The following PACRGL variants were observed in gnomAD, a reference collection of about 807,000 sequenced individuals.
The protein encoded by PACRGL is PACRG-like protein.
A neutral mutation model predicts 34.5 loss-of-function variants in PACRGL; 38 were observed. The observed-to-expected ratio is 1.10, with a 90% CI of 0.85 to 1.44. PACRGL has a LOEUF of 1.44. Ranked by LOEUF, PACRGL falls within the 40% of genes most tolerant of loss-of-function variation. PACRGL has a pLI of 0.00. For missense variants in PACRGL, 305 were observed against 281.4 expected, an observed-to-expected ratio of 1.08 and a Z score of -0.60; for synonymous variants, 128 against 100.1, an observed-to-expected ratio of 1.28 and a Z score of -1.66.
At chr4:20,754,084 T>G (rs1301311306), downstream of PACRGL, among the ~76,000 whole-genome samples, 1 of 152,168 alleles carries the variant, frequency 6.6e-6, no homozygotes, top group Non-Finnish European at 1.5e-5. Context: ...CTGTTGTATG[T>G]GGAGTTTAAG....
At position 20,748,560 on chromosome 4, in the gene PACRGL, TTATATATATATATATATATATATATA is replaced by T. The variant is rs3075750; in HGVS notation, c.*57-3985_*57-3960del. On this transcript the variant is annotated intron_variant, in intron 8 of 8. Coordinates refer to the PACRGL transcript ENST00000507634. Reference sequence around the variant, plus strand: ...CAAAAATAAATGCACCTTCCAAATTTTATATATATATATATATATATATATATATATATATATATATATATTCCATA... The same window carrying T: ...CAAAAATAAATGCACCTTCCAAATTTTATATATATATATATATATTCCATA... Among the ~76,000 whole-genome samples the T allele has an allele frequency of 9.2e-5, 6 of 64,908 alleles. 1 individual carries two copies. The South Asian group carries it at 2.8e-3, about 30-fold the overall frequency. 42.6% of individuals were successfully genotyped at this position (64,908 alleles called of 152,430 possible). A position where few individuals can be genotyped will look rare whatever the true frequency, so the allele number is the denominator to read the frequency against.
intron 7 of PACRGL, chr4:20,716,333 G>GTTT: frequency 2.5e-5 from 13 of 510,676 alleles, no homozygotes; most frequent in South Asian, 1.6e-4. Flanking sequence ...TTCATGCAGT[G>GTTT]TTTTTTTTTT....
At position 20,714,359 on chromosome 4, in the gene PACRGL, T is replaced by C. The variant is rs541988491; in HGVS notation, c.609+820T>C. Among the ~76,000 whole-genome samples, 3 of 152,310 alleles carry C rather than the reference T, an allele frequency of 2.0e-5. No individual in the cohort carries two copies. In the South Asian group the frequency reaches 6.2e-4, roughly 32 times the overall value. ...TGTTTTCCATTTGCTTGGTAGATCT[T>C]CCTCCATCCTTTTATTTTGAGCCTA... On this transcript the variant is annotated intron_variant, in intron 7 of 8. Coordinates refer to ENST00000503585, the MANE Select transcript of PACRGL (RefSeq NM_001258345.3).
intron 8 of PACRGL, chr4:20,749,807 C>A: frequency 1.1e-6 from 1 of 934,148 alleles, no homozygotes; most frequent in Non-Finnish European, 1.7e-6. Flanking sequence ...GCAGTCCAAG[C>A]TTCCTTTGAT....
At chr4:20,766,341 G>T in the PACRGL span, among the ~76,000 whole-genome samples, 1 of 152,196 alleles carries the variant, frequency 6.6e-6, no homozygotes, top group Non-Finnish European at 1.5e-5. Context: ...GGCCAAGGTG[G>T]GTGGATCACC....
chr4:20,721,022 T>G (rs1742834209), intron 7 of PACRGL, among the ~76,000 whole-genome samples: 1 of 152,068 alleles, frequency 6.6e-6, no homozygotes, highest in African/African-American at 2.4e-5. Context: ...CTTTGTTCCT[T>G]TCTTTTTACT....
chr4:20,725,325 G>C lies in PACRGL; in HGVS notation c.690+437G>C, dbSNP rs575073261. Among the ~76,000 whole-genome samples the C allele has an allele frequency of 4.6e-5, 7 of 150,554 alleles. No homozygotes were observed. In the East Asian group the frequency reaches 9.7e-4, roughly 21 times the overall value. On this transcript the variant is annotated intron_variant, in intron 8 of 8. Transcript: ENST00000503585. The stretch of plus-strand genomic sequence containing the variant: ...TCCAGATGATTACACTATTCTGTCT[G>C]TAAGTGCGTGCATACCCCCATAGGT...
downstream of PACRGL, among the ~76,000 whole-genome samples, chr4:20,735,727 G>A (rs1749470067): frequency 6.6e-6 from 1 of 151,866 alleles, no homozygotes; most frequent in African/African-American, 2.4e-5. Flanking sequence ...GGTAGAGATG[G>A]GGTTTCACCA....
chr4:20,760,222 T>G, the PACRGL span, among the ~76,000 whole-genome samples: 1 of 152,128 alleles, frequency 6.6e-6, no homozygotes, highest in South Asian at 2.1e-4. Flanking sequence ...CTGACTCTAG[T>G]TGTCACAGCA....
intron 5 of PACRGL, among the ~76,000 whole-genome samples, chr4:20,710,202 A>G (rs898595597): frequency 2.6e-5 from 4 of 152,142 alleles, no homozygotes; most frequent in Non-Finnish European, 5.9e-5. Flanking sequence ...ACCTACCTAA[A>G]TGTTCTTTTG....
In PACRGL at chr4:20,729,060, CTAATTT is replaced by C. The variant is rs1277877608; in HGVS notation, c.*1721_*1726del. ...GTGCTTTCAAAGTGAATTTTGCTTG[CTAATTT>C]TGCTTGCTGTTTGTTCTTAGTAGAC... On this transcript the variant is annotated 3_prime_UTR_variant, in exon 9 of 9. Coordinates refer to ENST00000503585, the MANE Select transcript of PACRGL (RefSeq NM_001258345.3). The C allele has an allele frequency of 4.3e-5, 3 of 69,770 alleles. No homozygotes were observed. Among genetic ancestry groups the C allele is most frequent in the Admixed American group, 1.2e-4 (1 of 8,602 alleles). The allele number at this position is 69,770 out of a possible 1,614,324, so 4.3% of individuals were successfully genotyped here.
chr4:20,757,486 G>A (rs973798208), downstream of PACRGL, among the ~76,000 whole-genome samples: 6 of 151,984 alleles, frequency 3.9e-5, no homozygotes, highest in African/African-American at 1.2e-4. Flanking sequence ...TCTTCATATG[G>A]CATCCTTGAC....
Position 20,729,915 on chromosome 4 carries a change from CTG to C in PACRGL, c.*2575_*2576del. On this transcript the variant is annotated 3_prime_UTR_variant, in exon 9 of 9. Coordinates refer to ENST00000503585, the MANE Select transcript of PACRGL (RefSeq NM_001258345.3). Reference sequence around the variant, plus strand: ...TTATGAAAAGGATGCAAATTTATAACTGAAAGCTCAAATCTTTTGGGGATTGC... The same window carrying C: ...TTATGAAAAGGATGCAAATTTATAACAAAGCTCAAATCTTTTGGGGATTGC... 1 of 710,478 alleles carries C rather than the reference CTG, an allele frequency of 1.4e-6. No homozygotes were observed. Among genetic ancestry groups the C allele is most frequent in the Non-Finnish European group, 2.1e-6 (1 of 479,282 alleles). The allele number at this position is 710,478 out of a possible 1,614,324, so 44.0% of individuals were successfully genotyped here. A position where few individuals can be genotyped will look rare whatever the true frequency, so the allele number is the denominator to read the frequency against.
the PACRGL span, among the ~76,000 whole-genome samples, chr4:20,761,157 T>C: frequency 5.9e-5 from 9 of 152,094 alleles, no homozygotes; most frequent in African/African-American, 1.7e-4. Flanking sequence ...TAATATTGGC[T>C]TCCCTTGTTC....
At chr4:20,726,542 C>G (rs1306911880) in intron 8 of PACRGL, among the ~76,000 whole-genome samples, 2 of 152,162 alleles carry the variant, frequency 1.3e-5, no homozygotes, top group Admixed American at 6.5e-5. Context: ...CTTCATGAAA[C>G]TAATGAATGT....
At chr4:20,745,875 G>A (rs56929163) in intron 8 of PACRGL, among the ~76,000 whole-genome samples, 2,329 of 152,076 alleles carry the variant, frequency 0.015, 52 homozygotes, top group African/African-American at 0.053. Flanking sequence ...TGCCTTACTG[G>A]GTAATGAGAT....
chr4:20,738,677 A>G (rs1297247712), intron 8 of PACRGL, among the ~76,000 whole-genome samples: 3 of 152,362 alleles, frequency 2.0e-5, no homozygotes, highest in Non-Finnish European at 1.5e-5. Context: ...AGCATGAGCA[A>G]CGCAGAAGAT....
chr4:20,699,417 A>C (rs536785710), upstream of PACRGL, among the ~76,000 whole-genome samples: 54 of 152,360 alleles, frequency 3.5e-4, no homozygotes, highest in Middle Eastern at 0.01. Context: ...AGACATAGAC[A>C]GAATTTATTA....
chr4:20,724,168 C>G (rs183023429), intron 7 of PACRGL, among the ~76,000 whole-genome samples: 1 of 152,152 alleles, frequency 6.6e-6, no homozygotes, highest in Non-Finnish European at 1.5e-5. Flanking sequence ...GAATAAATCA[C>G]CTGAAAATCT....
Sources: allele counts gnomAD v4.1 joint callset (sites outside exome capture counted in the v4.1 genomes callset), GRCh38; gene constraint gnomAD v4.1.1; transcripts MANE v1.5; gene names NCBI Gene and HGNC (gene_info 2026-07-23, HGNC 2026-07-21).